RALB: variants seen among roughly 807,000 people sequenced by gnomAD.
The protein encoded by RALB is RAS like proto-oncogene B.
Under a neutral mutation model 21.3 loss-of-function variants are expected in RALB, and 16 were observed. The observed-to-expected ratio is 0.75, with a 90% confidence interval of 0.51 to 1.14. The LOEUF (loss-of-function observed/expected upper bound fraction) is 1.14. Among genes scored for constraint, RALB ranks in the 50% most tolerant of loss-of-function variants. The pLI is 0.00. For synonymous variants in RALB, 93 were observed against 96.1 expected (o/e 0.97, Z 0.19); for missense variants, 161 against 256.2 (o/e 0.63, Z 2.54).
Position 120,278,631 on chromosome 2 carries a change from C to T in RALB, c.-34C>T. 6.5e-7 allele frequency: 1 copy of T among 1,547,550 alleles called. No homozygotes were observed. The highest frequency in any genetic ancestry group is 8.7e-7 in the Non-Finnish European group (1 of 1,145,996). On this transcript the variant is annotated 5_prime_UTR_variant, in exon 2 of 5. Coordinates refer to ENST00000272519, the MANE Select transcript of RALB (RefSeq NM_002881.3). ...TGTCATCAGCAGCTCTTCAGTGGGT[C>T]ATCTGTGTGTCACAGCCTCAGAAGA...
chr2:120,292,285 C>T (rs1690323171), intron 4 of RALB, among the ~76,000 whole-genome samples: 1 of 152,112 alleles, frequency 6.6e-6, no homozygotes, highest in African/African-American at 2.4e-5. Context: ...GCCAGAAGGA[C>T]ATCTCTCATC....
At chr2:120,289,315 C>CTTAT (rs1428781326) in intron 3 of RALB, among the ~76,000 whole-genome samples, 1 of 149,860 alleles carries the variant, frequency 6.7e-6, no homozygotes, top group East Asian at 1.9e-4. Context: ...TATCCAGACA[C>CTTAT]TTCTGTAAGA....
intron 1 of RALB, among the ~76,000 whole-genome samples, chr2:120,258,793 C>T (rs966825859): frequency 3.9e-5 from 6 of 152,228 alleles, no homozygotes; most frequent in Non-Finnish European, 7.3e-5. Context: ...GCTTTGGTAA[C>T]GATACGGATA....
At chr2:120,250,541 A>G (rs1045646218), upstream of RALB, among the ~76,000 whole-genome samples, 1 of 152,242 alleles carries the variant, frequency 6.6e-6, no homozygotes, top group Non-Finnish European at 1.5e-5. Context: ...TGTTTGTCAG[A>G]CAGCACTAAA....
intron 3 of RALB, among the ~76,000 whole-genome samples, chr2:120,288,354 G>GTTT (rs398042633): frequency 7.8e-6 from 1 of 128,920 alleles, no homozygotes; most frequent in South Asian, 2.4e-4. Flanking sequence ...TTTTTTTTTT[G>GTTT]TTTTTTTTTT....
intron 1 of RALB, among the ~76,000 whole-genome samples, chr2:120,277,585 TGA>T (rs1429099818): frequency 2.6e-5 from 4 of 151,872 alleles, no homozygotes; most frequent in Non-Finnish European, 5.9e-5. Context: ...GACAAGTGTG[TGA>T]TAGTGTATGG....
At chr2:120,280,997 G>A (rs1292438635) in intron 2 of RALB, 2 of 319,482 alleles carry the variant, frequency 6.3e-6, no homozygotes, top group Non-Finnish European at 6.0e-6. Context: ...TTTTATTACT[G>A]TATAATAATC....
chr2:120,282,291 C>G (rs1414859726), intron 2 of RALB, among the ~76,000 whole-genome samples: 6 of 152,008 alleles, frequency 3.9e-5, no homozygotes, highest in Non-Finnish European at 5.9e-5. Flanking sequence ...CCAGCCTGAC[C>G]AACATGGAGA....
chr2:120,290,805 G>A (rs927900234), intron 4 of RALB, among the ~76,000 whole-genome samples: 1 of 152,148 alleles, frequency 6.6e-6, no homozygotes, highest in African/African-American at 2.4e-5. Flanking sequence ...GTTCAAGGTG[G>A]TTGCCACACA....
upstream of RALB, among the ~76,000 whole-genome samples, chr2:120,252,505 G>C (rs1295469404): frequency 2.0e-5 from 3 of 152,192 alleles, no homozygotes; most frequent in Non-Finnish European, 4.4e-5. Context: ...CCTAGCCCTG[G>C]CCTGAATCCC....
At chr2:120,262,716 T>C (rs1003006133) in intron 1 of RALB, among the ~76,000 whole-genome samples, 4 of 152,158 alleles carry the variant, frequency 2.6e-5, no homozygotes, top group Non-Finnish European at 5.9e-5. Flanking sequence ...CTGTTTCTGT[T>C]AGAGCCGTTT....
At chr2:120,249,005 T>A (rs566613848), upstream of RALB, among the ~76,000 whole-genome samples, 3 of 151,454 alleles carry the variant, frequency 2.0e-5, no homozygotes, top group East Asian at 5.8e-4. Flanking sequence ...TCAAAGCATG[T>A]CAGCCTCCTG....
intron 1 of RALB, among the ~76,000 whole-genome samples, chr2:120,255,632 G>A (rs1013038952): frequency 6.6e-6 from 1 of 152,234 alleles, no homozygotes; most frequent in Non-Finnish European, 1.5e-5. Context: ...GAAAGATGAA[G>A]AGGATGTGGA....
chr2:120,252,847 G>C (rs1279648336), upstream of RALB: 2 of 985,542 alleles, frequency 2.0e-6, no homozygotes, highest in South Asian at 4.7e-5. Flanking sequence ...GCGCTCGGGG[G>C]GTGGGAAAGC....
At chr2:120,273,268 G>A (rs1195780569) in intron 1 of RALB, among the ~76,000 whole-genome samples, 2 of 151,768 alleles carry the variant, frequency 1.3e-5, no homozygotes, top group Non-Finnish European at 2.9e-5. Flanking sequence ...AACTATAGGG[G>A]TGTAGAAAAT....
Position 120,286,025 on chromosome 2 carries a change from T to C in RALB, c.266T>C (p.Phe89Ser). ...AACTACTTTCGGAGTGGGGAAGGGT[T>C]TCTTCTTGTGTTCTCAATCACAGAA... is the stretch of plus-strand genomic sequence containing the variant. Reference protein sequence around the residue: ...RDNYFRSGEGFLLVFSITEHE... With the variant: ...RDNYFRSGEGSLLVFSITEHE... The change falls in exon 3 of 5, where the codon TTT becomes TCT. Residue 89 changes from phenylalanine (F) to serine (S), a missense_variant. Phe to Ser is a radical substitution (Grantham distance 155). Transcript: ENST00000272519. 6.2e-7 allele frequency: 1 copy of C among 1,613,994 alleles called. No homozygotes were observed. The highest frequency in any genetic ancestry group is 8.5e-7 in the Non-Finnish European group (1 of 1,179,992).
chr2:120,273,412 T>C (rs946255334), intron 1 of RALB, among the ~76,000 whole-genome samples: 1 of 152,194 alleles, frequency 6.6e-6, no homozygotes, highest in Non-Finnish European at 1.5e-5. Context: ...ACTGATGTTA[T>C]CTATAGGAGC....
chr2:120,277,713 TAGTG>T (rs1389309145), intron 1 of RALB, among the ~76,000 whole-genome samples: 2 of 151,254 alleles, frequency 1.3e-5, no homozygotes, highest in Non-Finnish European at 3.0e-5. Context: ...GTGTGTGTGA[TAGTG>T]CGTGTGTGAT....
chr2:120,243,802 A>G (rs1468031446), intron 1 of RALB, among the ~76,000 whole-genome samples: 1 of 152,118 alleles, frequency 6.6e-6, no homozygotes, highest in Non-Finnish European at 1.5e-5. Context: ...TTGCATCGGT[A>G]TTTCATGTGG....
Sources: allele counts gnomAD v4.1 joint callset (sites outside exome capture counted in the v4.1 genomes callset), GRCh38; gene constraint gnomAD v4.1.1; transcripts MANE v1.5; gene names NCBI Gene and HGNC (gene_info 2026-07-23, HGNC 2026-07-21).